CUX1: variants seen among roughly 807,000 people sequenced by gnomAD.
The protein encoded by CUX1 is cut like homeobox 1.
A neutral mutation model predicts 158.8 loss-of-function variants in CUX1; 31 were observed. That is an observed-to-expected ratio of 0.20 (90% CI 0.15 to 0.26). CUX1 has a LOEUF of 0.26. Among genes scored for constraint, CUX1 ranks in the 10% least tolerant of loss-of-function variants. CUX1 has a pLI of 1.00. For missense variants in CUX1, 1,589 were observed against 2,014.6 expected, an observed-to-expected ratio of 0.79 and a Z score of 4.04; for synonymous variants, 879 against 862.1, an observed-to-expected ratio of 1.02 and a Z score of -0.34.
intron 2 of CUX1, chr7:101,959,498 G>T (rs1810197056): frequency 6.6e-6 from 1 of 152,092 alleles, no homozygotes; most frequent in African/African-American, 2.4e-5. Flanking sequence ...GCAGGCGGTG[G>T]TTCTCTTTGG....
At chr7:102,124,559 C>T (rs1165174639) in intron 8 of CUX1, among the ~76,000 whole-genome samples, 1 of 152,102 alleles carries the variant, frequency 6.6e-6, no homozygotes, top group Non-Finnish European at 1.5e-5. Context: ...GGGGATGTTA[C>T]ATTAAGTGAA....
chr7:101,919,942 TC>T (rs1804703065), intron 2 of CUX1, among the ~76,000 whole-genome samples: 1 of 152,092 alleles, frequency 6.6e-6, no homozygotes. Context: ...GAAGGGTTTT[TC>T]TGGGGACAGG....
Position 102,249,000 on chromosome 7 carries a change from GA to G in CUX1, c.4478del (p.Lys1493ArgfsTer131). The G allele has an allele frequency of 7.1e-7, 1 of 1,411,518 alleles. No individual in the cohort carries two copies. The highest frequency in any genetic ancestry group is 9.3e-7 in the Non-Finnish European group (1 of 1,071,766). The allele number at this position is 1,411,518 out of a possible 1,614,324, so 87.4% of individuals were successfully genotyped here. A position where few individuals can be genotyped will look rare whatever the true frequency, so the allele number is the denominator to read the frequency against. ...NLNSIIHRLE[K>X]AASREEPIEW... ...TGAACAGCATCATCCACCGCCTGGA[GA>G]AGGCCGCCAGCCGGGAGGAACCTAT... On this transcript the variant is annotated frameshift_variant, in exon 24 of 24. Coordinates refer to ENST00000292535, the MANE Select transcript of CUX1 (RefSeq NM_181552.4). LOFTEE classifies it high-confidence loss of function. The surrounding 1 kb of genome is among the most constrained non-coding windows in gnomAD (Gnocchi z 5.8).
At position 102,257,068 on chromosome 7, in the gene CUX1, C is replaced by A; in HGVS notation, c.*8026C>A. The stretch of plus-strand genomic sequence containing the variant: ...GGCCCCAAGCTCAGCCAGCAGGACA[C>A]CCAGTTGTTGCCAATCAGGTGTGAA... On this transcript the variant is annotated 3_prime_UTR_variant, in exon 24 of 24. Transcript: ENST00000292535. The A allele has an allele frequency of 1.0e-6, 1 of 985,406 alleles. No individual in the cohort carries two copies. Among genetic ancestry groups the A allele is most frequent in the Non-Finnish European group, 1.2e-6 (1 of 829,986 alleles). 61.0% of individuals were successfully genotyped at this position (985,406 alleles called of 1,614,324 possible).
chr7:102,207,307 G>A (rs1461008625), intron 20 of CUX1, among the ~76,000 whole-genome samples: 2 of 152,030 alleles, frequency 1.3e-5, no homozygotes, highest in Non-Finnish European at 2.9e-5. Flanking sequence ...TCCCCCACCC[G>A]CCTTCCATGT....
intron 20 of CUX1, among the ~76,000 whole-genome samples, chr7:102,208,897 C>T (rs1228962393): frequency 1.3e-5 from 2 of 152,234 alleles, no homozygotes; most frequent in Non-Finnish European, 2.9e-5. Flanking sequence ...ATGCTCAGTG[C>T]TTGAGATTCT....
At chr7:102,280,072 G>T (rs781912223) in exon 19 of CUX1, 1 of 1,610,864 alleles carries the variant, frequency 6.2e-7, no homozygotes, top group East Asian at 2.2e-5. Context: ...TGCGGTACTC[G>T]TCCCAGTACG....
Position 101,982,963 on chromosome 7 carries a change from A to C in CUX1, c.142-45135A>C, listed in dbSNP as rs1585169305. Reference sequence around the variant, plus strand: ...AATCCCCTTTCTGGGTGGTGTCAGGACACCCACAGAGGTGTGGGTCTAAGC... The same window carrying C: ...AATCCCCTTTCTGGGTGGTGTCAGGCCACCCACAGAGGTGTGGGTCTAAGC... On this transcript the variant is annotated intron_variant, in intron 2 of 23. Coordinates refer to ENST00000292535, the MANE Select transcript of CUX1 (RefSeq NM_181552.4). Among the ~76,000 whole-genome samples, 4 of 143,300 alleles carry C rather than the reference A, an allele frequency of 2.8e-5. 1 individual carries two copies. In the Admixed American group the frequency reaches 2.9e-4, roughly 10 times the overall value. The allele number at this position is 143,300 out of a possible 152,430, so 94.0% of individuals were successfully genotyped here.
intron 20 of CUX1, among the ~76,000 whole-genome samples, chr7:102,207,582 G>T (rs1316029019): frequency 1.3e-5 from 2 of 151,972 alleles, no homozygotes; most frequent in Non-Finnish European, 2.9e-5. Context: ...CTCCTGAGTA[G>T]CTGGGAATAC....
chr7:102,223,454 C>G (rs921023022), intron 20 of CUX1, among the ~76,000 whole-genome samples: 2 of 151,756 alleles, frequency 1.3e-5, no homozygotes, highest in South Asian at 4.2e-4. Flanking sequence ...AGTGGCTCAC[C>G]CTGTCAGGGT....
At chr7:102,232,655 T>C (rs575967224) in intron 21 of CUX1, among the ~76,000 whole-genome samples, 6 of 152,262 alleles carry the variant, frequency 3.9e-5, no homozygotes, top group African/African-American at 9.6e-5. Context: ...TTACAAGCGG[T>C]GGCCCTCTAA....
chr7:101,865,174 C>A (rs972594648), intron 1 of CUX1, among the ~76,000 whole-genome samples: 2 of 152,174 alleles, frequency 1.3e-5, no homozygotes. Context: ...CCCAGTCCTT[C>A]CGCTGACACC....
At chr7:101,817,587 G>C (rs1792005184), upstream of CUX1, 1 of 1,525,094 alleles carries the variant, frequency 6.6e-7, no homozygotes, top group Non-Finnish European at 8.8e-7. This position sits in a 1 kb window ranked among gnomAD's most constrained non-coding sequence, Gnocchi z 4.1. Flanking sequence ...CGCCCCGCAC[G>C]TGCCAGCTCG....
intron 18 of CUX1, 103 bp downstream of exon 18, chr7:102,202,307 C>T (rs1255670572): frequency 2.7e-6 from 4 of 1,460,670 alleles, no homozygotes; most frequent in Non-Finnish European, 3.7e-6. Context: ...TTCAATTCAC[C>T]CAAGAGCAGA....
intron 1 of CUX1, among the ~76,000 whole-genome samples, chr7:101,819,518 A>G (rs1161642248): frequency 6.6e-6 from 1 of 152,148 alleles, no homozygotes; most frequent in African/African-American, 2.4e-5. Flanking sequence ...CCATTTTCTG[A>G]TGGCTTTTTT....
In CUX1 at chr7:102,104,420, A is replaced by G. The variant is rs1554487746; in HGVS notation, c.491A>G (p.Lys164Arg). Residue 164 changes from lysine (K) to arginine (R), a missense_variant, in exon 6 of 24, where the codon AAG (lysine) becomes AGG (arginine). Physicochemically the swap from Lys to Arg is conservative, Grantham distance 26. Coordinates refer to ENST00000292535, the MANE Select transcript of CUX1 (RefSeq NM_181552.4). ...CAAGCCGAAACCATAGCTCTTGAGA[A>G]GGAACAGAAGTTACAGAATGACTTT... ...KNQAETIALE[K>R]EQKLQNDFAE... is the part of the protein sequence containing the mutation. 1 of 1,613,446 alleles carries G rather than the reference A, an allele frequency of 6.2e-7. No individual in the cohort carries two copies. Among genetic ancestry groups the G allele is most frequent in the Admixed American group, 1.7e-5 (1 of 60,004 alleles).
upstream of CUX1, among the ~76,000 whole-genome samples, chr7:101,816,522 G>GGGCGGGC (rs1791811733): frequency 7.0e-6 from 1 of 141,866 alleles, no homozygotes; most frequent in African/African-American, 2.5e-5. Context: ...GGGCGGCGGG[G>GGGCGGGC]GGCGGGCGGC....
intron 1 of CUX1, among the ~76,000 whole-genome samples, chr7:101,873,057 G>A (rs1223712616): frequency 1.3e-5 from 2 of 151,876 alleles, no homozygotes; most frequent in Non-Finnish European, 2.9e-5. Context: ...ATTTTTAGTA[G>A]AGACGGGGTT....
intron 1 of CUX1, among the ~76,000 whole-genome samples, chr7:101,895,805 T>A (rs969378991): frequency 9.2e-5 from 14 of 151,854 alleles, no homozygotes; most frequent in Non-Finnish European, 1.5e-5. Flanking sequence ...TTTGCCTAAT[T>A]CTTGTAGAGG....
Sources: allele counts gnomAD v4.1 joint callset (sites outside exome capture counted in the v4.1 genomes callset), GRCh38; gene constraint gnomAD v4.1.1; non-coding constraint Gnocchi (gnomAD v3.1); transcripts MANE v1.5; gene names NCBI Gene and HGNC (gene_info 2026-07-23, HGNC 2026-07-21).